Variants in NAP1L4 observed in about 807,000 individuals in gnomAD.
NAP1L4 encodes nucleosome assembly protein 1 like 4, also known as nucleosome assembly protein 1-like 4.
NAP1L4 carries 15 observed loss-of-function variants against 58.2 expected under a neutral mutation model. That is an observed-to-expected ratio of 0.26 (90% CI 0.17 to 0.40). NAP1L4 has a LOEUF of 0.40. Among genes scored for constraint, NAP1L4 ranks in the 10% least tolerant of loss-of-function variants. The probability of loss-of-function intolerance (pLI) is 1.00; values close to 1 mark genes in which losing one functional copy is unlikely to be tolerated. For missense variants in NAP1L4, 384 were observed against 451.1 expected, an observed-to-expected ratio of 0.85 and a Z score of 1.35; for synonymous variants, 171 against 155.6, an observed-to-expected ratio of 1.10 and a Z score of -0.74.
chr11:2,976,862 T>C (rs983993027), intron 3 of NAP1L4, among the ~76,000 whole-genome samples: 2 of 152,248 alleles, frequency 1.3e-5, no homozygotes, highest in Non-Finnish European at 2.9e-5. Flanking sequence ...ATCTGGCTCA[T>C]GACACAGACT....
chr11:2,959,585 T>A lies in NAP1L4; in HGVS notation c.746+185A>T, dbSNP rs1279048951. On this transcript the variant is annotated intron_variant, in intron 9 of 15. Coordinates refer to ENST00000380542, the MANE Select transcript of NAP1L4 (RefSeq NM_005969.4). This position sits in a 1 kb window ranked among gnomAD's most constrained non-coding sequence, Gnocchi z 4.9. The stretch of plus-strand genomic sequence containing the variant: ...TCATTTCCCAGGTTCAGCCGCCATC[T>A]CCAAGTTCTGCACTATGAGCATTCC... Among the ~76,000 whole-genome samples the A allele has an allele frequency of 6.6e-6, 1 of 152,246 alleles. No individual in the cohort carries two copies. Among genetic ancestry groups the A allele is most frequent in the Non-Finnish European group, 1.5e-5 (1 of 68,042 alleles).
intron 1 of NAP1L4, among the ~76,000 whole-genome samples, chr11:2,989,663 G>A (rs901495038): frequency 6.6e-6 from 1 of 152,148 alleles, no homozygotes; most frequent in African/African-American, 2.4e-5. Flanking sequence ...ACAAAATAAA[G>A]ATTTCAGTCC....
chr11:2,988,197 G>A (rs61871249), intron 1 of NAP1L4: 19,614 of 152,206 alleles, frequency 0.13, 1,308 homozygotes, highest in Middle Eastern at 0.16. Flanking sequence ...TACTTGGGGC[G>A]CAGCAGTCTT....
At chr11:2,982,189 G>A (rs1848362084) in intron 1 of NAP1L4, among the ~76,000 whole-genome samples, 2 of 152,130 alleles carry the variant, frequency 1.3e-5, no homozygotes, top group African/African-American at 4.8e-5. Flanking sequence ...TATGGCAATA[G>A]CAGGACCGCT....
chr11:2,991,328 A>T, intron 1 of NAP1L4: 4 of 312,602 alleles, frequency 1.3e-5, no homozygotes, highest in South Asian at 1.0e-4. Context: ...CAGAAGGGGA[A>T]AATTGAAAAC....
intron 1 of NAP1L4, among the ~76,000 whole-genome samples, chr11:2,987,729 C>T (rs1316261827): frequency 2.9e-5 from 4 of 140,084 alleles, no homozygotes; most frequent in African/African-American, 8.2e-5. Context: ...TGCACTCCAG[C>T]CTGGGCATCA....
In NAP1L4 at chr11:2,949,180, A is replaced by G. The variant is rs1846092689; in HGVS notation, c.*32+47T>C. 6.9e-7 allele frequency: 1 copy of G among 1,439,980 alleles called. No homozygotes were observed. The highest frequency in any genetic ancestry group is 1.4e-5 in the African/African-American group (1 of 70,864). 89.2% of individuals were successfully genotyped at this position (1,439,980 alleles called of 1,614,324 possible). On this transcript the variant is annotated intron_variant, in intron 15 of 15. Transcript: ENST00000380542. The surrounding 1 kb of genome is among the most constrained non-coding windows in gnomAD (Gnocchi z 4.0). ...GTCAAAACAATGCATTGTATAAAGT[A>G]TAGATCAGAAGTTTGGAAGTTAGGT...
At chr11:2,970,746 T>C (rs1847589834) in intron 6 of NAP1L4, among the ~76,000 whole-genome samples, 1 of 152,126 alleles carries the variant, frequency 6.6e-6, no homozygotes, top group Admixed American at 6.5e-5. Context: ...TAGAAACTGA[T>C]TCACAACTGT....
At position 2,959,645 on chromosome 11, in the gene NAP1L4, G is replaced by A; in HGVS notation, c.746+125C>T. ...AGACTATTGAAATATACATCTACCA[G>A]GCTTTTAGGCTTTTAAGCAGACTCA... is the stretch of plus-strand genomic sequence containing the variant. On this transcript the variant is annotated intron_variant, in intron 9 of 15. Coordinates refer to ENST00000380542, the MANE Select transcript of NAP1L4 (RefSeq NM_005969.4). This position sits in a 1 kb window ranked among gnomAD's most constrained non-coding sequence, Gnocchi z 4.9. 9.0e-7 allele frequency: 1 copy of A among 1,113,582 alleles called. No homozygotes were observed. The highest frequency in any genetic ancestry group is 1.3e-6 in the Non-Finnish European group (1 of 790,954). 69.0% of individuals were successfully genotyped at this position (1,113,582 alleles called of 1,614,324 possible).
At chr11:2,981,261 G>T (rs1848286498) in intron 1 of NAP1L4, among the ~76,000 whole-genome samples, 1 of 145,582 alleles carries the variant, frequency 6.9e-6, no homozygotes, top group Admixed American at 6.8e-5. Flanking sequence ...AAAAAAAAAT[G>T]AGGCTGGACA....
At chr11:2,961,058 G>A (rs925526301) in intron 8 of NAP1L4, among the ~76,000 whole-genome samples, 5 of 152,088 alleles carry the variant, frequency 3.3e-5, no homozygotes, top group East Asian at 1.9e-4. Context: ...ACTTAGAGCC[G>A]CGTTTATAGG....
At chr11:2,980,661 T>G (rs1045701433) in intron 1 of NAP1L4, among the ~76,000 whole-genome samples, 1 of 152,128 alleles carries the variant, frequency 6.6e-6, no homozygotes, top group Non-Finnish European at 1.5e-5. Context: ...AACTGGCCAA[T>G]GTTCATTCTT....
chr11:2,975,375 T>C (rs1381326864), intron 4 of NAP1L4, among the ~76,000 whole-genome samples: 9 of 152,020 alleles, frequency 5.9e-5, no homozygotes. Context: ...CCTAGGATTC[T>C]AGGATCACCA....
At chr11:2,965,275 C>T (rs1025347706) in intron 7 of NAP1L4, among the ~76,000 whole-genome samples, 3 of 152,198 alleles carry the variant, frequency 2.0e-5, no homozygotes, top group Admixed American at 1.3e-4. Context: ...TTAGGCAATT[C>T]GGCGTGTGTT....
At chr11:2,974,770 A>G (rs1367661645) in intron 4 of NAP1L4, among the ~76,000 whole-genome samples, 1 of 152,124 alleles carries the variant, frequency 6.6e-6, no homozygotes, top group Non-Finnish European at 1.5e-5. Context: ...AACAAACAAA[A>G]AAACACGTGC....
rs995534011 is a variant in NAP1L4, at chr11:2,959,954, T to C, written c.607-45A>G. 14 of 1,598,196 alleles carry C rather than the reference T, an allele frequency of 8.8e-6. No homozygotes were observed. The highest frequency in any genetic ancestry group is 4.5e-5 in the South Asian group (4 of 89,800). On this transcript the variant is annotated intron_variant, in intron 8 of 15. Coordinates refer to ENST00000380542, the MANE Select transcript of NAP1L4 (RefSeq NM_005969.4). This position sits in a 1 kb window ranked among gnomAD's most constrained non-coding sequence, Gnocchi z 4.9. ...GTAAGCACCAGTTAAAATAGAAAAA[T>C]AACGAGGACAGATTGCTTGGAGTAC...
chr11:2,984,667 CT>C (rs1848522729), intron 1 of NAP1L4, among the ~76,000 whole-genome samples: 1 of 152,228 alleles, frequency 6.6e-6, no homozygotes, highest in African/African-American at 2.4e-5. Context: ...GCCCTGTCTA[CT>C]TCCCCATACT....
Position 2,946,968 on chromosome 11 carries a change from C to G in NAP1L4, c.*33-1322G>C, listed in dbSNP as rs76903793. ...AGCAGTGTGCCTCCACCAAGGGACT[C>G]GCCTAGAAAATGGGATGTCAGTAAA... On this transcript the variant is annotated intron_variant, in intron 15 of 15. Transcript: ENST00000380542. This position sits in a 1 kb window ranked among gnomAD's most constrained non-coding sequence, Gnocchi z 4.8. 8.1e-3 allele frequency among the ~76,000 whole-genome samples: 1,235 copies of G among 152,206 alleles called. 14 individuals are homozygous for G. The highest frequency in any genetic ancestry group is 0.029 in the African/African-American group (1,188 of 41,502).
chr11:2,945,385 T>C lies in NAP1L4; in HGVS notation c.*294A>G, dbSNP rs2133883577. 1.8e-6 allele frequency: 1 copy of C among 540,866 alleles called. No individual in the cohort carries two copies. Among genetic ancestry groups the C allele is most frequent in the Non-Finnish European group, 3.3e-6 (1 of 302,694 alleles). 33.5% of individuals were successfully genotyped at this position (540,866 alleles called of 1,614,324 possible). On this transcript the variant is annotated 3_prime_UTR_variant, in exon 16 of 16. Transcript: ENST00000380542. ...CTACAGGCACCAAGGCTGCAGAGGG[T>C]GCTGGACGAAACCTCCTATTTCTGA...
Sources: gnomAD v4.1 joint callset for allele counts (sites outside exome capture counted in the v4.1 genomes callset) on GRCh38, gnomAD v4.1.1 for gene constraint, Gnocchi (gnomAD v3.1) non-coding constraint, MANE v1.5 for transcripts, NCBI Gene and HGNC (gene_info 2026-07-23, HGNC 2026-07-21) for gene names.